SLC38A9: variants seen among roughly 807,000 people sequenced by gnomAD.
SLC38A9 encodes the protein solute carrier family 38 member 9.
Under a neutral mutation model 62.3 loss-of-function variants are expected in SLC38A9, and 48 were observed. That is an observed-to-expected ratio of 0.77 (90% CI 0.61 to 0.98). The LOEUF is 0.98. Ranked by LOEUF, SLC38A9 falls within the 50% of genes least tolerant of loss-of-function variation. SLC38A9 has a pLI of 0.00. For synonymous variants in SLC38A9, 204 were observed against 227.7 expected, an observed-to-expected ratio of 0.90 and a Z score of 0.94; for missense variants, 541 against 679.8, an observed-to-expected ratio of 0.80 and a Z score of 2.27.
chr5:55,666,368 G>C (rs1750467198), intron 7 of SLC38A9, among the ~76,000 whole-genome samples: 1 of 152,138 alleles, frequency 6.6e-6, no homozygotes, highest in African/African-American at 2.4e-5. Flanking sequence ...TATTTTAATT[G>C]TCATCAAAGG....
intron 11 of SLC38A9, 45 bp from the exon 12 acceptor site, chr5:55,645,940 A>T: frequency 7.6e-7 from 1 of 1,314,782 alleles, no homozygotes; most frequent in Non-Finnish European, 1.1e-6. Flanking sequence ...GACAATTAGA[A>T]AATGAGTATT....
At chr5:55,665,538 C>G (rs1454548481) in intron 7 of SLC38A9, among the ~76,000 whole-genome samples, 1 of 145,788 alleles carries the variant, frequency 6.9e-6, no homozygotes, top group Admixed American at 6.8e-5. Flanking sequence ...CAAAGTGAGA[C>G]TCCATCTCAA....
intron 3 of SLC38A9, among the ~76,000 whole-genome samples, chr5:55,680,464 G>A (rs1037334368): frequency 3.3e-5 from 5 of 152,200 alleles, no homozygotes; most frequent in African/African-American, 1.2e-4. Flanking sequence ...CCCTCATTAA[G>A]GCCCTTACAA....
intron 14 of SLC38A9, among the ~76,000 whole-genome samples, chr5:55,631,598 C>T (rs1743461260): frequency 1.3e-5 from 2 of 152,160 alleles, no homozygotes; most frequent in South Asian, 2.1e-4. Context: ...ACACTAGAAC[C>T]ATAGCTGCTG....
rs558345604 is a variant in SLC38A9 at position 55,685,401 on chromosome 5, T to C, written c.113+12445A>G. Among the ~76,000 whole-genome samples, 198 of 152,336 alleles carry C rather than the reference T, an allele frequency of 1.3e-3. 1 individual carries two copies. Among genetic ancestry groups the C allele is most frequent in the Middle Eastern group, 0.01 (3 of 294 alleles). ...GTGGTTTCTTTCACACAGCATAATG[T>C]CTTCAAGGTTGATACATATTGTTGT... On this transcript the variant is annotated intron_variant, in intron 3 of 15. Coordinates refer to ENST00000396865, the MANE Select transcript of SLC38A9 (RefSeq NM_173514.4).
chr5:55,640,080 G>C (rs563643249), intron 12 of SLC38A9, among the ~76,000 whole-genome samples: 192 of 150,092 alleles, frequency 1.3e-3, no homozygotes, highest in Middle Eastern at 0.01. Flanking sequence ...CTGCCTCCTG[G>C]GTTCAAGTGA....
rs528538407 is a variant in SLC38A9 at position 55,672,666 on chromosome 5, A to G, written c.143T>C (p.Val48Ala). ...CCTCTGAATGACATGATTCACATTC[A>G]CGATGTTTGTGGGCTCTATACAGAA... is the stretch of plus-strand genomic sequence containing the variant. ...RPFCIEPTNIVNVNHVIQRVS... is the reference protein window; with the variant it reads ...RPFCIEPTNIANVNHVIQRVS... Residue 48 changes from valine (V) to alanine (A), a missense_variant, in exon 4 of 16, where the codon GTG becomes GCG. By Grantham distance (64) the Val-to-Ala change is moderately conservative. Transcript: ENST00000396865. 3 of 1,614,124 alleles carry G rather than the reference A, an allele frequency of 1.9e-6. No individual in the cohort carries two copies. In the East Asian group the frequency reaches 6.7e-5, roughly 36 times the overall value.
chr5:55,651,248 C>CTTTTTTTTTTTT (rs1157691760), intron 10 of SLC38A9, among the ~76,000 whole-genome samples: 8 of 117,610 alleles, frequency 6.8e-5, no homozygotes, highest in African/African-American at 2.3e-4. Flanking sequence ...CTTTTGCCAT[C>CTTTTTTTTTTTT]TTTTTTTTTT....
In SLC38A9 at chr5:55,656,700, TC is replaced by T; in HGVS notation, c.757+14del. ...GTGGAGAGTAAAGAAACAAACAACA[TC>T]CCAAACTACTTACCAGGGTTGCTAT... On this transcript the variant is annotated intron_variant, in intron 9 of 15. Transcript: ENST00000396865. 5 of 1,578,088 alleles carry T rather than the reference TC, an allele frequency of 3.2e-6. No homozygotes were observed. The highest frequency in any genetic ancestry group is 3.5e-6 in the Non-Finnish European group (4 of 1,147,812).
intron 8 of SLC38A9, 58 bp from the exon 9 acceptor site, chr5:55,656,832 C>T (rs1249807658): frequency 8.5e-6 from 7 of 827,384 alleles, no homozygotes; most frequent in Non-Finnish European, 1.3e-5. Context: ...AAATCTATTA[C>T]CCTTTAAGGT....
chr5:55,664,654 G>C, intron 8 of SLC38A9, 39 bp downstream of exon 8: 3 of 1,151,106 alleles, frequency 2.6e-6, no homozygotes, highest in South Asian at 4.4e-5. Flanking sequence ...AATAGTATTT[G>C]AAAGTACTGT....
At chr5:55,651,011 G>A (rs1157267619) in intron 10 of SLC38A9, among the ~76,000 whole-genome samples, 1 of 151,838 alleles carries the variant, frequency 6.6e-6, no homozygotes, top group Non-Finnish European at 1.5e-5. Context: ...GTTTGGTCTC[G>A]AACTCCTGAC....
At chr5:55,638,725 TG>T (rs1459981292) in intron 12 of SLC38A9, among the ~76,000 whole-genome samples, 6 of 152,318 alleles carry the variant, frequency 3.9e-5, no homozygotes, top group Non-Finnish European at 7.4e-5. Flanking sequence ...TAACTTCTCC[TG>T]GTATATAGCC....
intron 7 of SLC38A9, among the ~76,000 whole-genome samples, chr5:55,668,097 G>A (rs143117345): frequency 1.2e-4 from 19 of 152,268 alleles, no homozygotes; most frequent in East Asian, 9.7e-4. Context: ...ACCTGTGCCC[G>A]GGAAGTCCAG....
chr5:55,647,197 G>A (rs1190203441), intron 11 of SLC38A9, among the ~76,000 whole-genome samples: 2 of 118,290 alleles, frequency 1.7e-5, no homozygotes, highest in Non-Finnish European at 3.7e-5. Context: ...ATTTTTTTTT[G>A]CAATTTATTT....
chr5:55,683,486 A>G (rs1039335890), intron 3 of SLC38A9, among the ~76,000 whole-genome samples: 1 of 152,240 alleles, frequency 6.6e-6, no homozygotes, highest in East Asian at 1.9e-4. Flanking sequence ...AATGTAGCAC[A>G]TTGTCTACAT....
chr5:55,671,894 T>A (rs6889214), intron 4 of SLC38A9, among the ~76,000 whole-genome samples: 90,950 of 151,880 alleles, frequency 0.6, 27,826 homozygotes, highest in South Asian at 0.7. Context: ...CTGGGTGGGA[T>A]GCAGTGGCAC....
At chr5:55,655,141 C>G (rs1437220799) in intron 9 of SLC38A9, among the ~76,000 whole-genome samples, 2 of 152,138 alleles carry the variant, frequency 1.3e-5, no homozygotes, top group African/African-American at 4.8e-5. Context: ...TGCTCAGCAG[C>G]TAAAATTTTT....
intron 4 of SLC38A9, among the ~76,000 whole-genome samples, chr5:55,671,138 C>G (rs907609381): frequency 2.6e-5 from 4 of 152,008 alleles, no homozygotes; most frequent in Non-Finnish European, 5.9e-5. Context: ...GTTAAACTTG[C>G]AAGTTTCTGA....
Sources: gnomAD v4.1 joint callset for allele counts (sites outside exome capture counted in the v4.1 genomes callset) on GRCh38, gnomAD v4.1.1 for gene constraint, MANE v1.5 for transcripts, NCBI Gene and HGNC (gene_info 2026-07-23, HGNC 2026-07-21) for gene names.